SRSF10: variants seen among roughly 807,000 people sequenced by gnomAD.
SRSF10 encodes serine/arginine-rich splicing factor 10.
SRSF10 carries 9 observed loss-of-function variants against 32.6 expected under a neutral mutation model. The observed-to-expected ratio is 0.28, with a 90% CI of 0.17 to 0.48. The LOEUF is 0.48. Ranked by LOEUF, SRSF10 falls within the 20% of genes least tolerant of loss-of-function variation. The probability of loss-of-function intolerance (pLI) is 0.99; values close to 1 mark genes in which losing one functional copy is unlikely to be tolerated. For synonymous variants in SRSF10, 105 were observed against 112.4 expected, an observed-to-expected ratio of 0.93 and a Z score of 0.42; for missense variants, 201 against 331.8, an observed-to-expected ratio of 0.61 and a Z score of 3.06.
At chr1:23,978,279 G>GT (rs1267018138) in intron 2 of SRSF10, 1 of 990,132 alleles carries the variant, frequency 1.0e-6, no homozygotes, top group Non-Finnish European at 1.2e-6. Context: ...ATTCTCTGAG[G>GT]TAACAACAGA....
intron 2 of SRSF10, chr1:23,976,298 T>C (rs1429121712): frequency 2.0e-5 from 3 of 152,198 alleles, no homozygotes; most frequent in Admixed American, 6.5e-5. Context: ...GACTAAAAGG[T>C]CTGCCTTACT....
intron 2 of SRSF10, chr1:23,976,690 T>C (rs1642112302): frequency 6.6e-6 from 1 of 152,228 alleles, no homozygotes; most frequent in Admixed American, 6.5e-5. Context: ...GGCAAGTTTC[T>C]ACTTTACTCG....
chr1:23,980,075 G>A (rs1642369855), intron 1 of SRSF10, 116 bp downstream of exon 1: 7 of 1,174,910 alleles, frequency 6.0e-6, no homozygotes, highest in South Asian at 5.9e-5. Flanking sequence ...AAGCGGGCGC[G>A]GGACCCGCCA....
intron 4 of SRSF10, 84 bp from the exon 5 acceptor site, chr1:23,971,710 T>A: frequency 6.5e-7 from 1 of 1,531,320 alleles, no homozygotes; most frequent in African/African-American, 1.4e-5. Flanking sequence ...ATAAAACTTT[T>A]AAAATAAAAT....
chr1:23,973,051 GTC>G (rs1641868165), intron 3 of SRSF10, among the ~76,000 whole-genome samples: 1 of 152,108 alleles, frequency 6.6e-6, no homozygotes, highest in South Asian at 2.1e-4. Context: ...CAGCCCTGGA[GTC>G]TGTTTTAGAG....
Position 23,967,732 on chromosome 1 carries a change from AAAG to A in SRSF10, c.*3407_*3409del. 6.2e-7 allele frequency: 1 copy of A among 1,611,728 alleles called. No homozygotes were observed. Among genetic ancestry groups the A allele is most frequent in the Non-Finnish European group, 8.5e-7 (1 of 1,178,140 alleles). ...TCCAGCTGCAGTTTGGTCTTAAATA[AAAG>A]AAGGATGTTTGTCAGTTTGGTTTCC... is the stretch of plus-strand genomic sequence containing the variant. On this transcript the variant is annotated 3_prime_UTR_variant, in exon 6 of 6. Transcript: ENST00000492112.
chr1:23,967,535 T>C lies in SRSF10; in HGVS notation c.*3607A>G. ...TTGAAGGGACTTCAATTATTCCATG[T>C]AGTTTTCGATAACATTCTTTTATCT... On this transcript the variant is annotated 3_prime_UTR_variant, in exon 6 of 6. Coordinates refer to ENST00000492112, the MANE Select transcript of SRSF10 (RefSeq NM_054016.4). 5 of 565,446 alleles carry C rather than the reference T, an allele frequency of 8.8e-6. No homozygotes were observed. In the South Asian group the frequency reaches 1.4e-4, roughly 15 times the overall value. 35.0% of individuals were successfully genotyped at this position (565,446 alleles called of 1,614,324 possible). A position where few individuals can be genotyped will look rare whatever the true frequency, so the allele number is the denominator to read the frequency against.
At chr1:23,975,247 C>A (rs1443163335) in intron 2 of SRSF10, 170 bp from the exon 3 acceptor site, 5 of 588,328 alleles carry the variant, frequency 8.5e-6, no homozygotes, top group South Asian at 2.2e-5. Context: ...ACACTTCACA[C>A]TATAAAAGCA....
intron 3 of SRSF10, among the ~76,000 whole-genome samples, chr1:23,973,833 C>T (rs944179612): frequency 2.0e-5 from 3 of 152,200 alleles, no homozygotes; most frequent in Admixed American, 2.0e-4. Flanking sequence ...ATGTACACTT[C>T]AATTCTTATC....
intron 4 of SRSF10, 92 bp from the exon 5 acceptor site, chr1:23,971,718 A>G: frequency 6.6e-7 from 1 of 1,523,214 alleles, no homozygotes; most frequent in South Asian, 1.2e-5. Context: ...TTTAAAATAA[A>G]ATGCTACAGT....
intron 2 of SRSF10, chr1:23,975,284 G>GA (rs1642018823): frequency 3.8e-6 from 2 of 528,114 alleles, no homozygotes; most frequent in Non-Finnish European, 6.8e-6. Flanking sequence ...GCACACATTT[G>GA]AAAATGTATG....
At chr1:23,977,929 A>C in intron 2 of SRSF10, 1 of 985,108 alleles carries the variant, frequency 1.0e-6, no homozygotes, top group African/African-American at 1.7e-5. Flanking sequence ...TGACTCCTTT[A>C]ATCTTGGCCA....
At chr1:23,978,221 G>T in intron 2 of SRSF10, 4 of 985,704 alleles carry the variant, frequency 4.1e-6, no homozygotes, top group Non-Finnish European at 4.8e-6. Context: ...TACTCTAAAG[G>T]TTCTTTCATG....
Position 23,970,015 on chromosome 1 carries a change from A to G in SRSF10, c.*1127T>C, listed in dbSNP as rs1378807379. 4.1e-6 allele frequency: 4 copies of G among 985,206 alleles called. No individual in the cohort carries two copies. In the African/African-American group the frequency reaches 7.0e-5, roughly 17 times the overall value. The allele number at this position is 985,206 out of a possible 1,614,324, so 61.0% of individuals were successfully genotyped here. A position where few individuals can be genotyped will look rare whatever the true frequency, so the allele number is the denominator to read the frequency against. On this transcript the variant is annotated 3_prime_UTR_variant, in exon 6 of 6. Coordinates refer to ENST00000492112, the MANE Select transcript of SRSF10 (RefSeq NM_054016.4). Reference sequence around the variant, plus strand: ...AAATTTCAGTTCTTTTACACTAGGCACACACACACAAAACCTACTTTGAAA... The same window carrying G: ...AAATTTCAGTTCTTTTACACTAGGCGCACACACACAAAACCTACTTTGAAA...
In SRSF10 at chr1:23,967,960, CAAA is replaced by C. The variant is rs36002299; in HGVS notation, c.*3179_*3181del. ...ATTTTTCTTCTTGCTTACTTGGCTT[CAAA>C]AAAAAAAAAAAAATGCAGAGAGATC... On this transcript the variant is annotated 3_prime_UTR_variant, in exon 6 of 6. Transcript: ENST00000492112. 1.5e-3 allele frequency: 2,120 copies of C among 1,433,980 alleles called. 2 individuals are homozygous for C. The highest frequency in any genetic ancestry group is 6.3e-3 in the African/African-American group (416 of 65,854). 88.8% of individuals were successfully genotyped at this position (1,433,980 alleles called of 1,614,324 possible).
rs961806357 is a variant in SRSF10 at position 23,964,957 on chromosome 1, T to C, written c.*6185A>G. 3.3e-5 allele frequency: 5 copies of C among 151,680 alleles called. No homozygotes were observed. Among genetic ancestry groups the C allele is most frequent in the African/African-American group, 9.7e-5 (4 of 41,318 alleles). The allele number at this position is 151,680 out of a possible 1,614,324, so 9.4% of individuals were successfully genotyped here. A position where few individuals can be genotyped will look rare whatever the true frequency, so the allele number is the denominator to read the frequency against. ...GCCTCACTTTTTATTCCAAGAAAAATCCCCATTATGCAATACAAGGGTGAA... is the reference window on the plus strand; with the variant it reads ...GCCTCACTTTTTATTCCAAGAAAAACCCCCATTATGCAATACAAGGGTGAA... On this transcript the variant is annotated 3_prime_UTR_variant, in exon 6 of 6. Transcript: ENST00000492112.
In SRSF10 at chr1:23,965,503, G is replaced by A. The variant is rs1641409009; in HGVS notation, c.*5639C>T. Reference sequence around the variant, plus strand: ...AATATGCAAGAAGCTATCACATGATGGGTATTCTACAAAGGACAATTTTCT... The same window carrying A: ...AATATGCAAGAAGCTATCACATGATAGGTATTCTACAAAGGACAATTTTCT... On this transcript the variant is annotated 3_prime_UTR_variant, in exon 6 of 6. Transcript: ENST00000492112. 1.3e-5 allele frequency: 2 copies of A among 151,960 alleles called. No homozygotes were observed. The highest frequency in any genetic ancestry group is 4.8e-5 in the African/African-American group (2 of 41,430). 9.4% of individuals were successfully genotyped at this position (151,960 alleles called of 1,614,324 possible). A position where few individuals can be genotyped will look rare whatever the true frequency, so the allele number is the denominator to read the frequency against.
At chr1:23,976,982 T>C (rs1176708860) in intron 2 of SRSF10, 1 of 152,212 alleles carries the variant, frequency 6.6e-6, no homozygotes, top group African/African-American at 2.4e-5. Flanking sequence ...TGAATCAAAC[T>C]ACTACTGACC....
At chr1:23,980,151 G>A in intron 1 of SRSF10, 40 bp downstream of exon 1, 1 of 1,526,208 alleles carries the variant, frequency 6.6e-7, no homozygotes, top group East Asian at 2.7e-5. Flanking sequence ...GGCGCCTGCG[G>A]CCTCCCCGCC....
Sources: gnomAD v4.1 joint callset for allele counts (sites outside exome capture counted in the v4.1 genomes callset) on GRCh38, gnomAD v4.1.1 for gene constraint, MANE v1.5 for transcripts, NCBI Gene and HGNC (gene_info 2026-07-23, HGNC 2026-07-21) for gene names.